The following SLC14A2 variants were observed in gnomAD, a reference collection of about 807,000 sequenced individuals.
SLC14A2 encodes solute carrier family 14 member 2, also known as urea transporter 2.
In SLC14A2, 91 loss-of-function variants were observed where a neutral mutation model predicts 104.6. The ratio of observed to expected loss-of-function variants is 0.87; its 90% CI spans 0.73 to 1.04. The LOEUF (loss-of-function observed/expected upper bound fraction) is 1.04, where lower values mean the gene tolerates loss of function less well. Among genes scored for constraint, SLC14A2 ranks in the 50% least tolerant of loss-of-function variants. The pLI, the probability that SLC14A2 is intolerant of heterozygous loss-of-function variation, is 0.00. For synonymous variants in SLC14A2, 476 were observed against 466.4 expected (o/e 1.02, Z -0.27); for missense variants, 1,189 against 1,156.0 (o/e 1.03, Z -0.41).
chr18:45,556,201 G>A (rs145233091), intron 2 of SLC14A2, among the ~76,000 whole-genome samples: 64 of 152,196 alleles, frequency 4.2e-4, no homozygotes, highest in African/African-American at 1.4e-3. Flanking sequence ...GCTTTCCTTC[G>A]TTACTGAATC....
At chr18:45,415,231 A>C (rs1400677861) in intron 1 of SLC14A2, among the ~76,000 whole-genome samples, 1 of 152,126 alleles carries the variant, frequency 6.6e-6, no homozygotes, top group Non-Finnish European at 1.5e-5. Context: ...AGACTAGTAA[A>C]GAAACATGCT....
chr18:45,586,614 G>T (rs2044570261), intron 2 of SLC14A2, among the ~76,000 whole-genome samples: 2 of 152,296 alleles, frequency 1.3e-5, no homozygotes, highest in East Asian at 1.9e-4. Context: ...GTGGTGACCT[G>T]CCCAGGCCGT....
intron 15 of SLC14A2, 128 bp downstream of exon 15, chr18:45,668,605 C>A (rs1282971380): frequency 3.8e-6 from 4 of 1,041,952 alleles, no homozygotes; most frequent in African/African-American, 3.1e-5. Context: ...TCAGAAATGT[C>A]CACTGGACTA....
chr18:45,673,881 TTA>T, intron 18 of SLC14A2, 64 bp downstream of exon 18: 4 of 1,529,612 alleles, frequency 2.6e-6, no homozygotes, highest in South Asian at 1.2e-5. Context: ...AACTGTTTTT[TTA>T]TGTTTTTTAA....
chr18:45,491,602 T>C (rs2043001791), intron 2 of SLC14A2, among the ~76,000 whole-genome samples: 1 of 152,184 alleles, frequency 6.6e-6, no homozygotes. Flanking sequence ...GCAGTGGATA[T>C]TGAGTGTTTA....
At chr18:45,408,829 A>T (rs2086184029) in intron 1 of SLC14A2, among the ~76,000 whole-genome samples, 1 of 152,330 alleles carries the variant, frequency 6.6e-6, no homozygotes, top group African/African-American at 2.4e-5. Flanking sequence ...TGGATACATG[A>T]GTTCAAGACC....
chr18:45,620,376 G>A (rs1328971432), intron 1 of SLC14A2, among the ~76,000 whole-genome samples: 2 of 152,192 alleles, frequency 1.3e-5, no homozygotes, highest in Non-Finnish European at 2.9e-5. Context: ...AGCTTGCTCT[G>A]GAAAATGCTG....
chr18:45,579,422 A>ATGGT (rs1417873789), intron 2 of SLC14A2, among the ~76,000 whole-genome samples: 3 of 152,206 alleles, frequency 2.0e-5, no homozygotes, highest in South Asian at 2.1e-4. Context: ...AGGGTTGGGG[A>ATGGT]TGGTAGTGAT....
At chr18:45,175,719 C>A in the SLC14A2 span, among the ~76,000 whole-genome samples, 3 of 152,232 alleles carry the variant, frequency 2.0e-5, no homozygotes, top group Admixed American at 6.5e-5. Flanking sequence ...TTCTGTGGTG[C>A]TGACTTATTA....
chr18:45,441,068 C>T (rs931028731), intron 1 of SLC14A2, among the ~76,000 whole-genome samples: 2 of 152,192 alleles, frequency 1.3e-5, no homozygotes, highest in Non-Finnish European at 2.9e-5. Context: ...TTGAAACCAT[C>T]TGACTGCTTC....
chr18:45,591,079 C>T (rs1053311708), intron 2 of SLC14A2, among the ~76,000 whole-genome samples: 1 of 152,142 alleles, frequency 6.6e-6, no homozygotes, highest in Non-Finnish European at 1.5e-5. Flanking sequence ...CTAAATACCA[C>T]ATGTCAGTCA....
At chr18:45,414,749 AAAAAAAAAATATATATATATAT>A (rs1185621077) in intron 1 of SLC14A2, among the ~76,000 whole-genome samples, 1 of 61,020 alleles carries the variant, frequency 1.6e-5, no homozygotes, top group African/African-American at 8.4e-5. Flanking sequence ...GAGCGTAAAA[AAAAAAAAAATATATATATATAT>A]ATATATATAT....
At chr18:45,237,922 C>T (rs959433891) in intron 1 of SLC14A2, among the ~76,000 whole-genome samples, 1 of 152,190 alleles carries the variant, frequency 6.6e-6, no homozygotes. Context: ...TTGAAGATAG[C>T]TTTTAAATGT....
At chr18:45,510,676 A>T (rs925918405) in intron 2 of SLC14A2, among the ~76,000 whole-genome samples, 1 of 152,080 alleles carries the variant, frequency 6.6e-6, no homozygotes, top group Non-Finnish European at 1.5e-5. Context: ...CTACCCACCG[A>T]GAGAGGCATA....
rs1419220655 is a variant in SLC14A2 at position 45,236,540 on chromosome 18, C to A, written c.-125+23349C>A. Among the ~76,000 whole-genome samples, 2 of 99,094 alleles carry A rather than the reference C, an allele frequency of 2.0e-5. 1 individual carries two copies. Among genetic ancestry groups the A allele is most frequent in the African/African-American group, 8.7e-5 (2 of 23,008 alleles). 65.0% of individuals were successfully genotyped at this position (99,094 alleles called of 152,430 possible). A position where few individuals can be genotyped will look rare whatever the true frequency, so the allele number is the denominator to read the frequency against. On this transcript the variant is annotated intron_variant, in intron 1 of 20. Transcript: ENST00000586448. ...ATATATGTGTATATATGTATATATA[C>A]ATGTATGTGTGTATATATGTGTATA... is the stretch of plus-strand genomic sequence containing the variant.
At chr18:45,185,843 G>A in the SLC14A2 span, among the ~76,000 whole-genome samples, 8 of 152,040 alleles carry the variant, frequency 5.3e-5, no homozygotes, top group African/African-American at 1.9e-4. Flanking sequence ...CTATATACAA[G>A]CAACAATCAT....
At chr18:45,539,267 G>T (rs2144852945) in intron 2 of SLC14A2, among the ~76,000 whole-genome samples, 1 of 152,252 alleles carries the variant, frequency 6.6e-6, no homozygotes, top group East Asian at 1.9e-4. Flanking sequence ...AAGGATTATT[G>T]TACTTGTGAG....
intron 2 of SLC14A2, among the ~76,000 whole-genome samples, chr18:45,513,704 A>T (rs1039412941): frequency 1.3e-5 from 2 of 152,180 alleles, no homozygotes; most frequent in Non-Finnish European, 2.9e-5. Flanking sequence ...CAGCATTCTC[A>T]ATAAGAGTTA....
At chr18:45,626,867 T>A in intron 3 of SLC14A2, 91 bp from the exon 4 acceptor site, 8 of 732,032 alleles carry the variant, frequency 1.1e-5, no homozygotes, top group Admixed American at 2.2e-5. Flanking sequence ...GGCTTGCACA[T>A]TCCTGTTTGC....
Sources: allele counts gnomAD v4.1 joint callset (sites outside exome capture counted in the v4.1 genomes callset), GRCh38; gene constraint gnomAD v4.1.1; transcripts MANE v1.5; gene names NCBI Gene and HGNC (gene_info 2026-07-23, HGNC 2026-07-21).